Variants in USB1 observed in about 807,000 individuals in gnomAD.
The protein encoded by USB1 is U6 snRNA phosphodiesterase 1.
USB1 carries 21 observed loss-of-function variants against 29.9 expected under a neutral mutation model. That is an observed-to-expected ratio of 0.70 (90% CI 0.50 to 1.01). USB1 has a LOEUF of 1.01. Ranked by LOEUF, USB1 falls within the 50% of genes least tolerant of loss-of-function variation. USB1 has a pLI of 0.00. For missense variants in USB1, 330 were observed against 347.1 expected, an observed-to-expected ratio of 0.95 and a Z score of 0.39; for synonymous variants, 143 against 134.9, an observed-to-expected ratio of 1.06 and a Z score of -0.42.
At chr16:58,018,767 C>T (rs111681898) in intron 5 of USB1, among the ~76,000 whole-genome samples, 5 of 152,272 alleles carry the variant, frequency 3.3e-5, no homozygotes, top group African/African-American at 1.2e-4. Context: ...GGAGGTGACA[C>T]GATTCAGTCC....
chr16:58,013,927 G>T lies in USB1; in HGVS notation c.450-346G>T, dbSNP rs1963555217. 1.8e-5 allele frequency: 5 copies of T among 273,548 alleles called. No individual in the cohort carries two copies. Among genetic ancestry groups the T allele is most frequent in the Non-Finnish European group, 3.5e-5 (5 of 141,766 alleles). 16.9% of individuals were successfully genotyped at this position (273,548 alleles called of 1,614,324 possible). On this transcript the variant is annotated intron_variant, in intron 3 of 6. Transcript: ENST00000219281. This position sits in a 1 kb window ranked among gnomAD's most constrained non-coding sequence, Gnocchi z 4.3. ...TTAAAAAACTGCAAGAAATGAATCA[G>T]CTGTTAAGTGGTCCATTATCACCTA...
chr16:58,010,257 C>G, intron 3 of USB1, 145 bp downstream of exon 3: 1 of 967,678 alleles, frequency 1.0e-6, no homozygotes, highest in Non-Finnish European at 1.6e-6. Flanking sequence ...TGCTCTACTT[C>G]TCATCCTCCG....
At chr16:58,011,397 T>C (rs1963493419) in intron 3 of USB1, 1 of 1,192,736 alleles carries the variant, frequency 8.4e-7, no homozygotes, top group African/African-American at 1.6e-5. Context: ...GGGCTTTTTT[T>C]TTCCCCTTAC....
At chr16:58,017,019 T>G in intron 4 of USB1, 2 of 390,944 alleles carry the variant, frequency 5.1e-6, no homozygotes, top group Non-Finnish European at 9.8e-6. Context: ...ATTGGAATGA[T>G]GATGGAGAAT....
chr16:58,002,184 T>C (rs1263039679), intron 1 of USB1, among the ~76,000 whole-genome samples: 1 of 152,212 alleles, frequency 6.6e-6, no homozygotes, highest in African/African-American at 2.4e-5. Flanking sequence ...CCCAAGGTCA[T>C]AGAGCTAGAA....
intron 2 of USB1, among the ~76,000 whole-genome samples, chr16:58,009,058 T>C (rs1210441212): frequency 1.3e-5 from 2 of 152,240 alleles, no homozygotes; most frequent in African/African-American, 4.8e-5. Flanking sequence ...TGATGCTTAC[T>C]ATTTTTCTTC....
intron 2 of USB1, among the ~76,000 whole-genome samples, chr16:58,002,975 G>T (rs1240412464): frequency 1.3e-5 from 2 of 152,174 alleles, no homozygotes; most frequent in East Asian, 1.9e-4. Context: ...TACGCTGGGT[G>T]TGCAAGGTTC....
At chr16:58,004,791 G>T (rs1349874217) in intron 2 of USB1, among the ~76,000 whole-genome samples, 1 of 152,190 alleles carries the variant, frequency 6.6e-6, no homozygotes, top group East Asian at 1.9e-4. Context: ...CTCCCTGTGT[G>T]CGGAGACGAG....
At chr16:58,008,447 CTTTTTCT>C (rs1426583985) in intron 2 of USB1, among the ~76,000 whole-genome samples, 6 of 130,566 alleles carry the variant, frequency 4.6e-5, no homozygotes, top group Admixed American at 1.6e-4. Flanking sequence ...AGATCTTTTT[CTTTTTCT>C]TTTTTTTTTT....
rs1963192987 is a variant in USB1, at chr16:58,001,558, G to A, written c.75G>A (p.Arg25=). ...EDESEDGMRT[R]PGDGSHRRGQ... Reference sequence around the variant, plus strand: ...AGTCCGAGGACGGGATGCGGACCAGGCCGGGGGATGGGAGCCACCGTCGGT... The same window carrying A: ...AGTCCGAGGACGGGATGCGGACCAGACCGGGGGATGGGAGCCACCGTCGGT... The change falls in exon 1 of 7, where the codon AGG becomes AGA. Residue 25 remains arginine, a synonymous_variant. Coordinates refer to ENST00000219281, the MANE Select transcript of USB1 (RefSeq NM_024598.4). 2 of 1,609,064 alleles carry A rather than the reference G, an allele frequency of 1.2e-6. No homozygotes were observed. Among genetic ancestry groups the A allele is most frequent in the South Asian group, 1.1e-5 (1 of 90,226 alleles).
intron 5 of USB1, among the ~76,000 whole-genome samples, chr16:58,018,443 C>T (rs1338659507): frequency 6.6e-6 from 1 of 152,106 alleles, no homozygotes; most frequent in East Asian, 1.9e-4. Context: ...AGGCTGGTCT[C>T]AAACTCCTGA....
chr16:58,010,310 C>T (rs1466536467), intron 3 of USB1, 198 bp downstream of exon 3: 9 of 629,010 alleles, frequency 1.4e-5, no homozygotes, highest in South Asian at 3.8e-5. Flanking sequence ...CCCCTGATGC[C>T]GTATCTGCTC....
rs775237878 is a variant in USB1, at chr16:58,014,321, A to C, written c.498A>C (p.Lys166Asn). 13 of 1,613,636 alleles carry C rather than the reference A, an allele frequency of 8.1e-6. No homozygotes were observed. Among genetic ancestry groups the C allele is most frequent in the Non-Finnish European group, 1.1e-5 (13 of 1,179,698 alleles). Reference sequence around the variant, plus strand: ...TAAAGATTTACACCAATCAAGAGAAAACCAGGTGGGTCCTCCCAACCCCCA... The same window carrying C: ...TAAAGATTTACACCAATCAAGAGAACACCAGGTGGGTCCTCCCAACCCCCA... ...NQVKIYTNQEKTRTFIGLEVT... is the reference protein window; with the variant it reads ...NQVKIYTNQENTRTFIGLEVT... Residue 166 changes from lysine (K) to asparagine (N), a missense_variant, in exon 4 of 7, where the codon AAA (lysine) becomes AAC (asparagine). Coordinates refer to ENST00000219281, the MANE Select transcript of USB1 (RefSeq NM_024598.4).
At chr16:58,019,079 A>G in intron 6 of USB1, 24 bp downstream of exon 6, 2 of 1,612,378 alleles carry the variant, frequency 1.2e-6, no homozygotes, top group Non-Finnish European at 1.7e-6. Context: ...GCGGGAGCAC[A>G]GAGGGCGCTG....
chr16:58,004,521 C>G (rs1039898800), intron 2 of USB1, among the ~76,000 whole-genome samples: 1 of 152,106 alleles, frequency 6.6e-6, no homozygotes, highest in Non-Finnish European at 1.5e-5. Context: ...CTCAAGCAAT[C>G]CTCTGGCCTC....
At position 58,013,272 on chromosome 16, in the gene USB1, TG is replaced by T; in HGVS notation, c.450-998del. On this transcript the variant is annotated intron_variant, in intron 3 of 6. Coordinates refer to ENST00000219281, the MANE Select transcript of USB1 (RefSeq NM_024598.4). This position sits in a 1 kb window ranked among gnomAD's most constrained non-coding sequence, Gnocchi z 4.3. Reference sequence around the variant, plus strand: ...CATCCAGTGTCCACTCCAGGATGTTTGGGAGACACCTTGAGAACTCTTCCTA... The same window carrying T: ...CATCCAGTGTCCACTCCAGGATGTTTGGAGACACCTTGAGAACTCTTCCTA... The T allele has an allele frequency of 5.1e-6, 5 of 985,442 alleles. No individual in the cohort carries two copies. Among genetic ancestry groups the T allele is most frequent in the Non-Finnish European group, 6.0e-6 (5 of 829,944 alleles). 61.0% of individuals were successfully genotyped at this position (985,442 alleles called of 1,614,324 possible).
chr16:58,003,075 G>A (rs114290546), intron 2 of USB1, among the ~76,000 whole-genome samples: 1,570 of 152,216 alleles, frequency 0.01, 36 homozygotes, highest in African/African-American at 0.036. Context: ...ACTACTCTGG[G>A]TGCCCTTTAT....
At chr16:58,009,379 G>C (rs1963437614) in intron 2 of USB1, among the ~76,000 whole-genome samples, 1 of 152,168 alleles carries the variant, frequency 6.6e-6, no homozygotes, top group South Asian at 2.1e-4. Flanking sequence ...AACACTTTCA[G>C]GTTAGGCTGT....
intron 5 of USB1, among the ~76,000 whole-genome samples, chr16:58,018,216 GTTGATGTCTTTTTTTTTTTTTTTTTT>G: frequency 6.6e-6 from 1 of 150,554 alleles, no homozygotes; most frequent in East Asian, 2.0e-4. Context: ...TGACAGCATG[GTTGATGTCTTTTTTTTTTTTTTTTTT>G]TGGAGACAGA....
Sources: gnomAD v4.1 joint callset for allele counts (sites outside exome capture counted in the v4.1 genomes callset) on GRCh38, gnomAD v4.1.1 for gene constraint, Gnocchi (gnomAD v3.1) non-coding constraint, MANE v1.5 for transcripts, NCBI Gene and HGNC (gene_info 2026-07-23, HGNC 2026-07-21) for gene names.